CSMD1: variants seen among roughly 807,000 people sequenced by gnomAD.
CSMD1 encodes the protein CUB and sushi domain-containing protein 1.
Under a neutral mutation model 417.5 loss-of-function variants are expected in CSMD1, and 213 were observed. The ratio of observed to expected loss-of-function variants is 0.51; its 90% confidence interval spans 0.46 to 0.57. CSMD1 has a LOEUF of 0.57. Ranked by LOEUF, CSMD1 falls within the 20% of genes least tolerant of loss-of-function variation. The pLI, the probability that CSMD1 is intolerant of heterozygous loss-of-function variation, is 0.00. For synonymous variants in CSMD1, 2,862 were observed against 1,736.8 expected (o/e 1.65, Z -16.11); for missense variants, 6,923 against 4,529.7 (o/e 1.53, Z -15.17).
At position 4,275,082 on chromosome 8, in the gene CSMD1, A is replaced by G. The variant is rs555152679; in HGVS notation, c.415+144871T>C. Among the ~76,000 whole-genome samples the G allele has an allele frequency of 5.5e-4, 84 of 152,324 alleles. No individual in the cohort carries two copies. In the South Asian group the frequency reaches 0.016, roughly 30 times the overall value. On this transcript the variant is annotated intron_variant, in intron 3 of 69. Transcript: ENST00000635120. Reference sequence around the variant, plus strand: ...TTCTTCTAACAATGAGATTAGTGATATAAGAAAAACAAATGAAAGCCCTTG... The same window carrying G: ...TTCTTCTAACAATGAGATTAGTGATGTAAGAAAAACAAATGAAAGCCCTTG...
rs1028121981 is a variant in CSMD1 at position 3,766,123 on chromosome 8, G to C, written c.819-12081C>G. On this transcript the variant is annotated intron_variant, in intron 5 of 69. Transcript: ENST00000635120. ...AAGTAATTCGATAAGACAGTCGAGA[G>C]ACAGTGGCCCTGATGGCATTTCTCT... Among the ~76,000 whole-genome samples, 7 of 152,316 alleles carry C rather than the reference G, an allele frequency of 4.6e-5. No individual in the cohort carries two copies. In the East Asian group the frequency reaches 1.4e-3, roughly 29 times the overall value.
At chr8:3,809,929 T>C (rs2954233) in intron 5 of CSMD1, among the ~76,000 whole-genome samples, 16,211 of 152,152 alleles carry the variant, frequency 0.11, 1,372 homozygotes, top group East Asian at 0.37. Flanking sequence ...ATTTACTTCA[T>C]ATACAACCAA....
At chr8:4,476,510 A>C (rs915493933) in intron 2 of CSMD1, among the ~76,000 whole-genome samples, 2 of 152,192 alleles carry the variant, frequency 1.3e-5, no homozygotes, top group East Asian at 3.8e-4. Context: ...CATCATCACT[A>C]CTTTTCGGAG....
intron 1 of CSMD1, among the ~76,000 whole-genome samples, chr8:4,717,987 ATTTGT>A (rs1255839424): frequency 6.6e-6 from 1 of 152,100 alleles, no homozygotes; most frequent in African/African-American, 2.4e-5. Flanking sequence ...TTATTTTATT[ATTTGT>A]TTTGAGACTG....
rs375630306 is a variant in CSMD1, at chr8:2,978,748, T to A, written c.8430A>T (p.Gln2810His). 3 of 1,613,500 alleles carry A rather than the reference T, an allele frequency of 1.9e-6. No individual in the cohort carries two copies. In the African/African-American group the frequency reaches 4.0e-5, roughly 22 times the overall value. The stretch of plus-strand genomic sequence containing the variant: ...ACTCAAAACTCTCAGGGAAGTTCTG[T>A]TGCCCGTGACGAATGGCATTTTCCA... ...GFVENAIRHG[Q>H]QNFPESFEYG... is the part of the protein sequence containing the mutation. Residue 2810 changes from glutamine (Q) to histidine (H), a missense_variant, in exon 55 of 70, where the codon CAA becomes CAT. Gln to His is a conservative substitution (Grantham distance 24). Coordinates refer to ENST00000635120, the MANE Select transcript of CSMD1 (RefSeq NM_033225.6).
chr8:2,978,820 A>G lies in CSMD1; in HGVS notation c.8378-20T>C. On this transcript the variant is annotated intron_variant, in intron 54 of 69. Coordinates refer to ENST00000635120, the MANE Select transcript of CSMD1 (RefSeq NM_033225.6). ...TCACCACTAGAAAATAAAACATTTC[A>G]CACACCATTTAGAAACAGCTAGAAA... 1.3e-6 allele frequency: 2 copies of G among 1,573,642 alleles called. No homozygotes were observed. Among genetic ancestry groups the G allele is most frequent in the Non-Finnish European group, 1.7e-6 (2 of 1,159,534 alleles).
At chr8:3,684,072 A>G (rs1445278434) in intron 7 of CSMD1, among the ~76,000 whole-genome samples, 1 of 148,566 alleles carries the variant, frequency 6.7e-6, no homozygotes, top group East Asian at 1.9e-4. Flanking sequence ...TACTCTAAAC[A>G]TGAAAAAAGC....
At chr8:3,019,162 C>T (rs1348547379) in intron 51 of CSMD1, among the ~76,000 whole-genome samples, 2 of 152,210 alleles carry the variant, frequency 1.3e-5, no homozygotes, top group Non-Finnish European at 2.9e-5. Context: ...AAGTGATCCT[C>T]CCACCCCAGC....
chr8:4,922,376 C>T (rs901935467), intron 1 of CSMD1, among the ~76,000 whole-genome samples: 1 of 151,958 alleles, frequency 6.6e-6, no homozygotes, highest in Non-Finnish European at 1.5e-5. Flanking sequence ...ATATATAGCA[C>T]AATATTTTAC....
chr8:4,376,780 A>C (rs962096891), intron 3 of CSMD1, among the ~76,000 whole-genome samples: 1 of 152,018 alleles, frequency 6.6e-6, no homozygotes. Flanking sequence ...TTGATAACCA[A>C]CTCTATTTTC....
chr8:3,320,208 G>A (rs952544881), intron 23 of CSMD1, among the ~76,000 whole-genome samples: 8 of 152,094 alleles, frequency 5.3e-5, no homozygotes, highest in African/African-American at 1.9e-4. Flanking sequence ...TAAGCAGTGG[G>A]GCCCGTGGCC....
chr8:3,992,075 C>T (rs1353532861), intron 5 of CSMD1, among the ~76,000 whole-genome samples: 1 of 149,254 alleles, frequency 6.7e-6, no homozygotes, highest in Admixed American at 6.8e-5. Flanking sequence ...TATCCCTACA[C>T]CTTCAGCTGG....
intron 1 of CSMD1, among the ~76,000 whole-genome samples, chr8:4,846,612 C>G (rs1354546785): frequency 6.6e-6 from 1 of 152,196 alleles, no homozygotes; most frequent in African/African-American, 2.4e-5. Context: ...TTGGTGACTA[C>G]TCCAGCAATT....
intron 5 of CSMD1, among the ~76,000 whole-genome samples, chr8:3,976,908 T>C (rs1348620331): frequency 3.9e-5 from 6 of 152,168 alleles, no homozygotes; most frequent in African/African-American, 1.4e-4. Context: ...TGCAAATGAC[T>C]TGTTAGCCAT....
chr8:4,876,617 G>T (rs544068037), intron 1 of CSMD1, among the ~76,000 whole-genome samples: 1 of 152,140 alleles, frequency 6.6e-6, no homozygotes, highest in Admixed American at 6.5e-5. Context: ...TAGCACATCA[G>T]TTCACAATAG....
chr8:3,631,584 A>T (rs958289704), intron 7 of CSMD1, among the ~76,000 whole-genome samples: 1 of 152,246 alleles, frequency 6.6e-6, no homozygotes, highest in Non-Finnish European at 1.5e-5. Context: ...TAAGAAGCCA[A>T]ATCGGTAGAA....
intron 3 of CSMD1, among the ~76,000 whole-genome samples, chr8:4,288,765 G>A (rs1180115823): frequency 6.6e-6 from 1 of 152,130 alleles, no homozygotes; most frequent in African/African-American, 2.4e-5. Flanking sequence ...CCAACTCTAA[G>A]ATCTGATACC....
At chr8:4,865,228 T>A (rs1257815382) in intron 1 of CSMD1, among the ~76,000 whole-genome samples, 1 of 151,816 alleles carries the variant, frequency 6.6e-6, no homozygotes, top group African/African-American at 2.4e-5. Flanking sequence ...ATTTAAAAAA[T>A]TAAATACTTG....
intron 2 of CSMD1, among the ~76,000 whole-genome samples, chr8:4,627,895 T>C (rs566557933): frequency 1.3e-5 from 2 of 152,246 alleles, no homozygotes; most frequent in African/African-American, 4.8e-5. Flanking sequence ...CAGACACTTC[T>C]TTGTCATGTG....
Sources: gnomAD v4.1 joint callset for allele counts (sites outside exome capture counted in the v4.1 genomes callset) on GRCh38, gnomAD v4.1.1 for gene constraint, MANE v1.5 for transcripts, NCBI Gene and HGNC (gene_info 2026-07-23, HGNC 2026-07-21) for gene names.